Variants in STPG2 observed in about 807,000 individuals in gnomAD.
STPG2 encodes sperm-tail PG-rich repeat-containing protein 2.
A neutral mutation model predicts 54.2 loss-of-function variants in STPG2; 56 were observed. The observed-to-expected ratio is 1.03, with a 90% CI of 0.83 to 1.29. The LOEUF (loss-of-function observed/expected upper bound fraction) is 1.29, where lower values mean the gene tolerates loss of function less well. STPG2 is among the 50% of genes most tolerant of loss of function. The pLI is 0.00. For synonymous variants in STPG2, 200 were observed against 181.8 expected, an observed-to-expected ratio of 1.10 and a Z score of -0.81; for missense variants, 596 against 544.9, an observed-to-expected ratio of 1.09 and a Z score of -0.93.
At chr4:97,993,229 A>G (rs996292306) in intron 5 of STPG2, among the ~76,000 whole-genome samples, 1 of 152,126 alleles carries the variant, frequency 6.6e-6, no homozygotes, top group Non-Finnish European at 1.5e-5. Flanking sequence ...TTTATCATAG[A>G]TGACTTTTAT....
Position 97,443,487 on chromosome 4 carries a change from C to T in STPG2, c.463-255654G>A, listed in dbSNP as rs564080086. Among the ~76,000 whole-genome samples, 286 of 152,092 alleles carry T rather than the reference C, an allele frequency of 1.9e-3. 1 individual carries two copies. Among genetic ancestry groups the T allele is most frequent in the African/African-American group, 6.5e-3 (268 of 41,504 alleles). ...GCAGCTAAAGATATAGGCAGCAAAACGGGGTATTTGGCAGTTTCCCAGGAT... is the reference window on the plus strand; with the variant it reads ...GCAGCTAAAGATATAGGCAGCAAAATGGGGTATTTGGCAGTTTCCCAGGAT... On this transcript the variant is annotated intron_variant, in intron 4 of 4. Coordinates refer to the STPG2 transcript ENST00000522676.
intron 9 of STPG2, among the ~76,000 whole-genome samples, chr4:97,818,906 G>C (rs948610662): frequency 6.1e-5 from 9 of 148,706 alleles, no homozygotes; most frequent in Admixed American, 1.3e-4. Flanking sequence ...ATTATGTGTA[G>C]AGAATTTACT....
chr4:97,987,950 A>G (rs1734878519), intron 5 of STPG2, among the ~76,000 whole-genome samples: 2 of 151,618 alleles, frequency 1.3e-5, no homozygotes, highest in African/African-American at 4.8e-5. Flanking sequence ...GTCAGATTGT[A>G]TCACTCCGCT....
intron 9 of STPG2, among the ~76,000 whole-genome samples, chr4:97,822,520 C>A (rs1252542904): frequency 6.6e-6 from 1 of 152,116 alleles, no homozygotes; most frequent in Admixed American, 6.5e-5. Context: ...TATCAGTTTT[C>A]TGTGTTAGGC....
At chr4:97,914,040 T>G (rs1311360003) in intron 8 of STPG2, among the ~76,000 whole-genome samples, 3 of 152,166 alleles carry the variant, frequency 2.0e-5, no homozygotes, top group Non-Finnish European at 2.9e-5. Flanking sequence ...CTACGATACG[T>G]AACAGCTATG....
intron 5 of STPG2, among the ~76,000 whole-genome samples, chr4:98,014,162 A>G (rs1311317555): frequency 6.6e-6 from 1 of 152,154 alleles, no homozygotes; most frequent in Non-Finnish European, 1.5e-5. Flanking sequence ...AGATTCTGGT[A>G]CATTGTCTCT....
chr4:97,614,791 G>T (rs1415022544), intron 10 of STPG2, among the ~76,000 whole-genome samples: 2 of 152,116 alleles, frequency 1.3e-5, no homozygotes, highest in East Asian at 1.9e-4. Flanking sequence ...AGCTGATTAG[G>T]GTCCAACAGT....
At chr4:97,979,852 A>G (rs1183067651) in intron 6 of STPG2, among the ~76,000 whole-genome samples, 6 of 151,592 alleles carry the variant, frequency 4.0e-5, no homozygotes, top group African/African-American at 1.2e-4. Context: ...AGCCTCCCCA[A>G]TAGCTGGGAC....
intron 4 of STPG2, among the ~76,000 whole-genome samples, chr4:97,542,705 T>C (rs1214833087): frequency 1.3e-5 from 2 of 151,944 alleles, no homozygotes; most frequent in African/African-American, 2.4e-5. Context: ...CAATAGCAAA[T>C]ACTTGGAACG....
intron 9 of STPG2, among the ~76,000 whole-genome samples, chr4:97,822,469 T>C (rs1728122549): frequency 6.6e-6 from 1 of 152,212 alleles, no homozygotes; most frequent in South Asian, 2.1e-4. Flanking sequence ...AGTTCCTTCC[T>C]CATTTAAAGG....
chr4:97,619,527 T>TG (rs973748346), intron 10 of STPG2, among the ~76,000 whole-genome samples: 18 of 151,046 alleles, frequency 1.2e-4, no homozygotes, highest in Non-Finnish European at 2.4e-4. Flanking sequence ...TTCCAGTGTT[T>TG]TTTTTTTTTT....
At chr4:97,759,131 T>C (rs1255842266) in intron 9 of STPG2, among the ~76,000 whole-genome samples, 1 of 152,124 alleles carries the variant, frequency 6.6e-6, no homozygotes, top group Non-Finnish European at 1.5e-5. Context: ...AGAAGTTTTA[T>C]AGAGGCAGGC....
At chr4:97,546,841 GTT>G (rs1560653950) in intron 4 of STPG2, among the ~76,000 whole-genome samples, 2 of 152,138 alleles carry the variant, frequency 1.3e-5, no homozygotes, top group African/African-American at 4.8e-5. Context: ...AAAAGCTCTT[GTT>G]CTTGACTTCA....
chr4:97,808,944 T>C lies in STPG2; in HGVS notation c.1204+31829A>G, dbSNP rs376413403. Among the ~76,000 whole-genome samples, 19 of 151,866 alleles carry C rather than the reference T, an allele frequency of 1.3e-4. No homozygotes were observed. In the South Asian group the frequency reaches 3.5e-3, roughly 28 times the overall value. ...TAATTAATAACAGTCTCAAAATATA[T>C]AAAGAAAAATGGACTGAATTACTAG... is the stretch of plus-strand genomic sequence containing the variant. On this transcript the variant is annotated intron_variant, in intron 9 of 10. Transcript: ENST00000295268.
At chr4:97,778,681 C>A (rs1031841142) in intron 9 of STPG2, among the ~76,000 whole-genome samples, 3 of 152,198 alleles carry the variant, frequency 2.0e-5, no homozygotes, top group Admixed American at 1.3e-4. Context: ...GAGGCACCCC[C>A]AGTAGGCGCA....
intron 8 of STPG2, among the ~76,000 whole-genome samples, chr4:97,863,843 C>CA (rs1295517119): frequency 2.2e-4 from 34 of 152,116 alleles, no homozygotes; most frequent in Admixed American, 9.8e-4. Context: ...GAACCAAAGA[C>CA]AAAAAACACA....
chr4:97,561,439 C>T (rs1490337975), intron 10 of STPG2, among the ~76,000 whole-genome samples: 1 of 152,114 alleles, frequency 6.6e-6, no homozygotes, highest in African/African-American at 2.4e-5. Flanking sequence ...TGTGCAAGAG[C>T]TCTTTAGTTT....
At chr4:97,887,693 G>T (rs925331039) in intron 8 of STPG2, among the ~76,000 whole-genome samples, 7 of 152,292 alleles carry the variant, frequency 4.6e-5, no homozygotes, top group Non-Finnish European at 8.8e-5. Flanking sequence ...TATTTTCTGG[G>T]GAAAAAATTA....
chr4:97,665,600 C>T (rs1016433422), intron 10 of STPG2, among the ~76,000 whole-genome samples: 2 of 152,112 alleles, frequency 1.3e-5, no homozygotes, highest in Admixed American at 1.3e-4. Context: ...CTATAAGTTC[C>T]TACTCCCGTC....
Sources: gnomAD v4.1 joint callset for allele counts (sites outside exome capture counted in the v4.1 genomes callset) on GRCh38, gnomAD v4.1.1 for gene constraint, MANE v1.5 for transcripts, NCBI Gene and HGNC (gene_info 2026-07-23, HGNC 2026-07-21) for gene names.